Variants in ACP7 observed in about 807,000 individuals in gnomAD.
ACP7 encodes acid phosphatase type 7.
In ACP7, 58 loss-of-function variants were observed where a neutral mutation model predicts 60.6. The ratio of observed to expected loss-of-function variants is 0.96; its 90% confidence interval spans 0.77 to 1.19. ACP7 has a LOEUF of 1.19. ACP7 is among the 50% of genes most tolerant of loss of function. The pLI is 0.00. For synonymous variants in ACP7, 237 were observed against 232.6 expected (o/e 1.02, Z -0.17); for missense variants, 574 against 596.2 (o/e 0.96, Z 0.39).
intron 2 of ACP7, among the ~76,000 whole-genome samples, chr19:39,093,108 TTTTCTTTC>T (rs1197986642): frequency 1.4e-5 from 2 of 147,052 alleles, no homozygotes; most frequent in African/African-American, 2.6e-5. Context: ...CTTTTTTTCT[TTTTCTTTC>T]TTTCTTTCTT....
rs372567060 is a variant in ACP7, at chr19:39,110,949, A to C, written c.*831A>C. 3 of 152,358 alleles carry C rather than the reference A, an allele frequency of 2.0e-5. No individual in the cohort carries two copies. The highest frequency in any genetic ancestry group is 3.9e-4 in the East Asian group (2 of 5,178). The allele number at this position is 152,358 out of a possible 1,614,324, so 9.4% of individuals were successfully genotyped here. On this transcript the variant is annotated 3_prime_UTR_variant, in exon 13 of 13. Coordinates refer to ENST00000331256, the MANE Select transcript of ACP7 (RefSeq NM_001004318.3). ...ACCAGAGAGTTGGACAAAAATCACG[A>C]TAAATGAGTTGGTTAAATAGCGATT...
Position 39,110,133 on chromosome 19 carries a change from C to G in ACP7, c.*15C>G. 6.2e-7 allele frequency: 1 copy of G among 1,609,970 alleles called. No homozygotes were observed. Among genetic ancestry groups the G allele is most frequent in the African/African-American group, 1.3e-5 (1 of 74,980 alleles). On this transcript the variant is annotated 3_prime_UTR_variant, in exon 13 of 13. Coordinates refer to ENST00000331256, the MANE Select transcript of ACP7 (RefSeq NM_001004318.3). ...TGTACCTCTAGGGATGGCGGCAGCT[C>G]TCCTCCAGAAGCCTAGGTTTTGCCG...
At chr19:39,108,304 T>A (rs1446505492) in intron 12 of ACP7, among the ~76,000 whole-genome samples, 1 of 151,800 alleles carries the variant, frequency 6.6e-6, no homozygotes, top group Non-Finnish European at 1.5e-5. Flanking sequence ...CACACCCGGC[T>A]AATTTTTTGT....
chr19:39,102,765 T>TTCTTTCTTTCTTTCTTTC (rs1316628357), intron 11 of ACP7, among the ~76,000 whole-genome samples: 164 of 107,432 alleles, frequency 1.5e-3, no homozygotes, highest in African/African-American at 4.8e-3. Flanking sequence ...CTTTCTTTCT[T>TTCTTTCTTTCTTTCTTTC]TCTCTCTCTC....
intron 2 of ACP7, among the ~76,000 whole-genome samples, chr19:39,093,181 T>TCCTTCCTTCCTTCCTTCCTC (rs1461034798): frequency 7.5e-6 from 1 of 134,178 alleles, no homozygotes; most frequent in Non-Finnish European, 1.6e-5. Flanking sequence ...TCTCCTTCCT[T>TCCTTCCTTCCTTCCTTCCTC]CCTTCCTTCT....
At chr19:39,089,350 G>A (rs901888067) in intron 2 of ACP7, among the ~76,000 whole-genome samples, 1 of 152,142 alleles carries the variant, frequency 6.6e-6, no homozygotes, top group Admixed American at 6.6e-5. Context: ...TTACAGGTGT[G>A]AGCCACCATG....
chr19:39,101,308 G>T lies in ACP7; in HGVS notation c.994G>T (p.Ala332Ser). Residue 332 changes from alanine (A) to serine (S), a missense_variant, in exon 10 of 13, where the codon GCT becomes TCT. By Grantham distance (99) the Ala-to-Ser change is moderately conservative. Coordinates refer to ENST00000331256, the MANE Select transcript of ACP7 (RefSeq NM_001004318.3). ...YKYGVDLQLWAHEHSYERLWP... is the reference protein window; with the variant it reads ...YKYGVDLQLWSHEHSYERLWP... ...CTCAGGAGTGGATCTGCAGCTGTGGGCTCATGAGCACTCGTATGAACGACT... is the reference window on the plus strand; with the variant it reads ...CTCAGGAGTGGATCTGCAGCTGTGGTCTCATGAGCACTCGTATGAACGACT... The T allele has an allele frequency of 6.2e-7, 1 of 1,614,184 alleles. No homozygotes were observed. The highest frequency in any genetic ancestry group is 1.1e-5 in the South Asian group (1 of 91,078).
In ACP7 at chr19:39,100,743, G is replaced by A. The variant is rs1442836890; in HGVS notation, c.697G>A (p.Asp233Asn). 3 of 1,613,854 alleles carry A rather than the reference G, an allele frequency of 1.9e-6. No homozygotes were observed. The African/African-American group carries it at 4.0e-5, about 22-fold the overall frequency. ...GDNEGLWYSW[D>N]LGPAHIISFS... ...CCTGCCCTTTGACTCCTCCAGCTGG[G>A]ATCTGGGTCCCGCCCACATCATCTC... Residue 233 changes from aspartate (D) to asparagine (N), a missense_variant, in exon 7 of 13, where the codon GAT (aspartate) becomes AAT (asparagine). Asp to Asn is a conservative substitution (Grantham distance 23). Coordinates refer to ENST00000331256, the MANE Select transcript of ACP7 (RefSeq NM_001004318.3).
chr19:39,103,171 C>T (rs1445453427), intron 11 of ACP7, among the ~76,000 whole-genome samples: 1 of 152,148 alleles, frequency 6.6e-6, no homozygotes, highest in African/African-American at 2.4e-5. Context: ...TTTTCTGTCG[C>T]CCTCACTCTT....
At chr19:39,106,830 G>T (rs1309395260) in intron 11 of ACP7, 117 bp from the exon 12 acceptor site, 4 of 1,315,242 alleles carry the variant, frequency 3.0e-6, no homozygotes, top group Non-Finnish European at 4.2e-6. Flanking sequence ...GGCCTCTATG[G>T]TGGTCAAGTC....
chr19:39,087,469 G>C (rs577201495), intron 2 of ACP7, among the ~76,000 whole-genome samples: 16 of 151,962 alleles, frequency 1.1e-4, no homozygotes, highest in African/African-American at 3.4e-4. Context: ...AAAGTTGCTT[G>C]TTTTTTGACA....
intron 11 of ACP7, among the ~76,000 whole-genome samples, chr19:39,102,588 G>T (rs2073359711): frequency 6.6e-6 from 1 of 152,010 alleles, no homozygotes; most frequent in Non-Finnish European, 1.5e-5. Flanking sequence ...GCCTCCCAAA[G>T]TGCTGGGATT....
At chr19:39,105,219 G>A (rs2073398662) in intron 11 of ACP7, among the ~76,000 whole-genome samples, 1 of 151,726 alleles carries the variant, frequency 6.6e-6, no homozygotes. Flanking sequence ...GTTTCACCGT[G>A]TTGGCCAGGC....
intron 2 of ACP7, among the ~76,000 whole-genome samples, chr19:39,089,069 A>T (rs866693800): frequency 3.0e-4 from 45 of 152,124 alleles, no homozygotes; most frequent in African/African-American, 9.9e-4. Flanking sequence ...AGCTTGGACT[A>T]CAGGTGCATG....
At chr19:39,089,276 C>A (rs1005090908) in intron 2 of ACP7, among the ~76,000 whole-genome samples, 1 of 152,112 alleles carries the variant, frequency 6.6e-6, no homozygotes, top group Non-Finnish European at 1.5e-5. Flanking sequence ...CCATGTTGGG[C>A]AGGTTGATCT....
At position 39,098,657 on chromosome 19, in the gene ACP7, T is replaced by C. The variant is rs367923935; in HGVS notation, c.321T>C (p.Tyr107=). The C allele has an allele frequency of 5.4e-5, 87 of 1,607,638 alleles. No homozygotes were observed. In the African/African-American group the frequency reaches 9.4e-4, roughly 17 times the overall value. ...GCAAGCTGCTGCCAGGGGTTCAGTA[T>C]GGTGAGAGGGGCCCCAGGCTGAGCT... ...TLRKLLPGVQ[Y]VYRCGSAQGW... The change falls in exon 3 of 13, where the codon TAT becomes TAC. Residue 107 remains tyrosine (Y), a splice_region_variant and synonymous_variant. Transcript: ENST00000331256.
intron 11 of ACP7, among the ~76,000 whole-genome samples, chr19:39,103,336 G>C (rs944045681): frequency 6.6e-6 from 1 of 151,608 alleles, no homozygotes; most frequent in Non-Finnish European, 1.5e-5. Flanking sequence ...TATTTATCTG[G>C]ATGTTTAAGT....
chr19:39,087,722 C>G (rs2073159964), intron 2 of ACP7, among the ~76,000 whole-genome samples: 1 of 151,776 alleles, frequency 6.6e-6, no homozygotes, highest in African/African-American at 2.4e-5. Flanking sequence ...CAAGCTCCAC[C>G]TCCTGGTTTC....
chr19:39,096,341 A>G (rs1407222671), intron 2 of ACP7, among the ~76,000 whole-genome samples: 1 of 152,130 alleles, frequency 6.6e-6, no homozygotes, highest in Non-Finnish European at 1.5e-5. Flanking sequence ...CAAAGTTCCA[A>G]TAATCTCCAG....
Sources: allele counts gnomAD v4.1 joint callset (sites outside exome capture counted in the v4.1 genomes callset), GRCh38; gene constraint gnomAD v4.1.1; transcripts MANE v1.5; gene names NCBI Gene and HGNC (gene_info 2026-07-23, HGNC 2026-07-21).